The following AHCYL2 variants were observed in gnomAD, a reference collection of about 807,000 sequenced individuals.
AHCYL2 encodes S-adenosylhomocysteine hydrolase-like protein 2.
A neutral mutation model predicts 81.4 loss-of-function variants in AHCYL2; 28 were observed. That is an observed-to-expected ratio of 0.34 (90% CI 0.25 to 0.47). The LOEUF is 0.47. AHCYL2 is among the 20% of genes least tolerant of loss of function. The pLI is 1.00. For synonymous variants in AHCYL2, 272 were observed against 290.2 expected, an observed-to-expected ratio of 0.94 and a Z score of 0.64; for missense variants, 551 against 785.1, an observed-to-expected ratio of 0.70 and a Z score of 3.56.
intron 13 of AHCYL2, among the ~76,000 whole-genome samples, chr7:129,423,285 C>A (rs1328697034): frequency 6.6e-6 from 1 of 152,154 alleles, no homozygotes; most frequent in Non-Finnish European, 1.5e-5. Flanking sequence ...TCACTAAGCA[C>A]AAAGTAGATA....
intron 1 of AHCYL2, among the ~76,000 whole-genome samples, chr7:129,263,331 A>G (rs937479873): frequency 1.3e-5 from 2 of 152,216 alleles, no homozygotes; most frequent in Admixed American, 6.5e-5. Flanking sequence ...TCTGTTCAGA[A>G]GTGGGATGTG....
intron 1 of AHCYL2, among the ~76,000 whole-genome samples, chr7:129,287,543 TG>T (rs1796680672): frequency 6.6e-6 from 1 of 152,246 alleles, no homozygotes; most frequent in Admixed American, 6.5e-5. Flanking sequence ...TCAGTGTTTT[TG>T]TAGGCTATTG....
chr7:129,231,787 G>C (rs1794450703), intron 1 of AHCYL2, among the ~76,000 whole-genome samples: 2 of 152,176 alleles, frequency 1.3e-5, no homozygotes, highest in South Asian at 4.1e-4. Flanking sequence ...CGTTTCTTCT[G>C]TAACAGTTCC....
chr7:129,278,575 T>C (rs1796305791), intron 1 of AHCYL2, among the ~76,000 whole-genome samples: 1 of 152,136 alleles, frequency 6.6e-6, no homozygotes, highest in Non-Finnish European at 1.5e-5. Context: ...GAAGCCCAAT[T>C]TATCAATTTG....
intron 1 of AHCYL2, among the ~76,000 whole-genome samples, chr7:129,355,076 A>T (rs983797276): frequency 1.4e-4 from 21 of 152,188 alleles, no homozygotes; most frequent in Non-Finnish European, 2.6e-4. Context: ...AAGAAGCAAA[A>T]ATTGTCCTGG....
In AHCYL2 at chr7:129,368,432, C is replaced by A; in HGVS notation, c.364-11206C>A. ...GGTCTGCTTTGGGGCACTCAGATAA[C>A]CCCAGTATTTCCAAACCAGCTTTCC... is the stretch of plus-strand genomic sequence containing the variant. On this transcript the variant is annotated intron_variant, in intron 1 of 16. Transcript: ENST00000325006. This position sits in a 1 kb window ranked among gnomAD's most constrained non-coding sequence, Gnocchi z 4.4. 3.1e-6 allele frequency: 5 copies of A among 1,613,358 alleles called. No homozygotes were observed. The highest frequency in any genetic ancestry group is 3.4e-6 in the Non-Finnish European group (4 of 1,179,538).
chr7:129,353,039 G>A (rs886167647), intron 1 of AHCYL2, among the ~76,000 whole-genome samples: 8 of 143,878 alleles, frequency 5.6e-5, no homozygotes, highest in South Asian at 2.2e-4. Flanking sequence ...TCTGCCTCCC[G>A]GGTTCAAGCG....
At chr7:129,321,766 G>GTTTTCTTTTTTTTTTTTTTTTTTTTTTTT (rs1315391980) in intron 1 of AHCYL2, among the ~76,000 whole-genome samples, 2 of 107,484 alleles carry the variant, frequency 1.9e-5, no homozygotes, top group Non-Finnish European at 3.7e-5. Context: ...TTTTTTTTTG[G>GTTTTCTTTTTTTTTTTTTTTTTTTTTTTT]TCTTGGTTTT....
rs151291389 is a variant in AHCYL2, at chr7:129,316,567, T to C, written c.364-63071T>C. Among the ~76,000 whole-genome samples, 100 of 152,324 alleles carry C rather than the reference T, an allele frequency of 6.6e-4. No homozygotes were observed. The East Asian group carries it at 0.018, about 27-fold the overall frequency. ...CTGGAGAAATGGTTGAGAAATATTT[T>C]GGTCTTGTGAATAAAGAGTTTTTGT... On this transcript the variant is annotated intron_variant, in intron 1 of 16. Coordinates refer to ENST00000325006, the MANE Select transcript of AHCYL2 (RefSeq NM_015328.4).
At chr7:129,281,723 C>G (rs1786712464) in intron 1 of AHCYL2, among the ~76,000 whole-genome samples, 1 of 151,992 alleles carries the variant, frequency 6.6e-6, no homozygotes, top group Non-Finnish European at 1.5e-5. Flanking sequence ...GTCTTGAACT[C>G]CTGTACTCAA....
chr7:129,349,302 T>G (rs1793468209), intron 1 of AHCYL2, among the ~76,000 whole-genome samples: 1 of 151,866 alleles, frequency 6.6e-6, no homozygotes, highest in Admixed American at 6.6e-5. Flanking sequence ...AAATCTTGAC[T>G]GAGGGATAAA....
intron 1 of AHCYL2, among the ~76,000 whole-genome samples, chr7:129,281,343 G>A (rs1796436453): frequency 6.6e-6 from 1 of 151,936 alleles, no homozygotes; most frequent in Non-Finnish European, 1.5e-5. Flanking sequence ...GCAAGGCTTT[G>A]GTATTAGGAT....
At chr7:129,249,514 T>C (rs1795176478) in intron 1 of AHCYL2, among the ~76,000 whole-genome samples, 1 of 151,888 alleles carries the variant, frequency 6.6e-6, no homozygotes, top group Non-Finnish European at 1.5e-5. Flanking sequence ...CAAGCTCCGC[T>C]TCCCGGGTTC....
chr7:129,331,797 G>A (rs947649556), intron 1 of AHCYL2, among the ~76,000 whole-genome samples: 1 of 151,822 alleles, frequency 6.6e-6, no homozygotes, highest in Non-Finnish European at 1.5e-5. Flanking sequence ...AGCTGAGACT[G>A]CACCATTGCA....
intron 9 of AHCYL2, 87 bp downstream of exon 9, chr7:129,405,986 T>C: frequency 4.9e-6 from 6 of 1,215,198 alleles, no homozygotes; most frequent in Non-Finnish European, 7.2e-6. Context: ...GACATATGAG[T>C]ACACCCTTTA....
At chr7:129,315,029 C>T (rs1797784157) in intron 1 of AHCYL2, among the ~76,000 whole-genome samples, 1 of 152,090 alleles carries the variant, frequency 6.6e-6, no homozygotes, top group Non-Finnish European at 1.5e-5. Flanking sequence ...ATGGAAAGCA[C>T]ATCATACAGC....
Position 129,424,943 on chromosome 7 carries a change from G to A in AHCYL2, c.1629+1G>A. 2 of 1,613,982 alleles carry A rather than the reference G, an allele frequency of 1.2e-6. No individual in the cohort carries two copies. The highest frequency in any genetic ancestry group is 1.7e-6 in the Non-Finnish European group (2 of 1,180,008). On this transcript the variant is annotated splice_donor_variant, in intron 14 of 16. Coordinates refer to ENST00000325006, the MANE Select transcript of AHCYL2 (RefSeq NM_015328.4). LOFTEE classifies it high-confidence loss of function. ...GCTCTCAATCACTGCTACTACTCAGGTAAGGCTTCCAGAGTGGGATAGCAG... is the reference window on the plus strand; with the variant it reads ...GCTCTCAATCACTGCTACTACTCAGATAAGGCTTCCAGAGTGGGATAGCAG...
intron 1 of AHCYL2, chr7:129,375,557 CTT>C: frequency 4.4e-6 from 5 of 1,141,342 alleles, no homozygotes; most frequent in Non-Finnish European, 5.4e-6. Context: ...TGTCAAGGGA[CTT>C]GCAAGGTTTA....
chr7:129,325,717 T>G (rs1357790187), intron 1 of AHCYL2, among the ~76,000 whole-genome samples: 1 of 152,050 alleles, frequency 6.6e-6, no homozygotes, highest in African/African-American at 2.4e-5. Context: ...TTTGTTTTGT[T>G]TTTTCTTTTT....
Sources: gnomAD v4.1 joint callset for allele counts (sites outside exome capture counted in the v4.1 genomes callset) on GRCh38, gnomAD v4.1.1 for gene constraint, Gnocchi (gnomAD v3.1) non-coding constraint, MANE v1.5 for transcripts, NCBI Gene and HGNC (gene_info 2026-07-23, HGNC 2026-07-21) for gene names.